Variants in KCNQ5 observed in about 807,000 individuals in gnomAD.
KCNQ5 encodes the protein potassium voltage-gated channel subfamily Q member 5, also known as potassium voltage-gated channel subfamily KQT member 5.
A neutral mutation model predicts 98.2 loss-of-function variants in KCNQ5; 30 were observed. The observed-to-expected ratio is 0.31, with a 90% CI of 0.23 to 0.41. KCNQ5 has a LOEUF of 0.41. Ranked by LOEUF, KCNQ5 falls within the 10% of genes least tolerant of loss-of-function variation. The pLI, the probability that KCNQ5 is intolerant of heterozygous loss-of-function variation, is 1.00. For missense variants in KCNQ5, 835 were observed against 1,182.5 expected, an observed-to-expected ratio of 0.71 and a Z score of 4.31; for synonymous variants, 458 against 449.4, an observed-to-expected ratio of 1.02 and a Z score of -0.24.
intron 2 of KCNQ5, among the ~76,000 whole-genome samples, chr6:73,036,258 C>T (rs935402095): frequency 9.9e-5 from 15 of 151,396 alleles, no homozygotes; most frequent in Non-Finnish European, 1.9e-4. Context: ...TGGTGGTGGG[C>T]GCCTGTAGTC....
intron 1 of KCNQ5, among the ~76,000 whole-genome samples, chr6:72,834,696 A>G (rs1467780362): frequency 6.6e-6 from 1 of 152,134 alleles, no homozygotes; most frequent in African/African-American, 2.4e-5. Context: ...TTTACGTGGA[A>G]ATAGAATTCT....
intron 1 of KCNQ5, among the ~76,000 whole-genome samples, chr6:72,875,544 T>C (rs534668343): frequency 9.3e-4 from 142 of 152,328 alleles, no homozygotes; most frequent in Non-Finnish European, 1.5e-3. Context: ...TGTTAATCAG[T>C]CATAATGTGT....
At chr6:72,828,320 G>C (rs996789059) in intron 1 of KCNQ5, among the ~76,000 whole-genome samples, 3 of 152,108 alleles carry the variant, frequency 2.0e-5, no homozygotes, top group Non-Finnish European at 4.4e-5. Context: ...GCATTGGGTA[G>C]AATTGTCATT....
intron 5 of KCNQ5, 28 bp downstream of exon 5, chr6:73,077,915 A>G (rs1232293565): frequency 6.4e-7 from 1 of 1,554,510 alleles, no homozygotes; most frequent in East Asian, 2.3e-5. Flanking sequence ...TTTTTTATTT[A>G]TTGGATGTTG....
At chr6:72,832,565 A>G (rs1352216692) in intron 1 of KCNQ5, among the ~76,000 whole-genome samples, 1 of 152,168 alleles carries the variant, frequency 6.6e-6, no homozygotes, top group African/African-American at 2.4e-5. Context: ...GTGTTTGCCA[A>G]AAGAAAATCC....
chr6:73,023,067 A>G (rs891314578), intron 2 of KCNQ5, among the ~76,000 whole-genome samples: 4 of 152,232 alleles, frequency 2.6e-5, no homozygotes, highest in Admixed American at 2.6e-4. Context: ...GAGAAGGAAT[A>G]GTGGAGGGCA....
rs747611585 is a variant in KCNQ5, at chr6:73,103,943, A to T, written c.919-1314A>T. On this transcript the variant is annotated intron_variant, in intron 5 of 13. Transcript: ENST00000370398. The stretch of plus-strand genomic sequence containing the variant: ...CCCTGATATCATCATTACATATCGC[A>T]TGCCAGTATCAAAATATCCCACATA... Among the ~76,000 whole-genome samples the T allele has an allele frequency of 3.0e-4, 45 of 152,264 alleles. No individual in the cohort carries two copies. In the East Asian group the frequency reaches 8.5e-3, roughly 29 times the overall value.
At chr6:72,712,694 A>G (rs1270086532) in intron 1 of KCNQ5, among the ~76,000 whole-genome samples, 1 of 152,168 alleles carries the variant, frequency 6.6e-6, no homozygotes, top group Non-Finnish European at 1.5e-5. Context: ...TGACAAGCTC[A>G]CTTGGAGTAT....
chr6:72,706,406 G>T (rs991288509), intron 1 of KCNQ5, among the ~76,000 whole-genome samples: 5 of 151,854 alleles, frequency 3.3e-5, no homozygotes, highest in Non-Finnish European at 7.4e-5. Flanking sequence ...TGGCCCTGTG[G>T]TGGGTACTAA....
intron 2 of KCNQ5, among the ~76,000 whole-genome samples, chr6:73,032,759 G>A (rs909661551): frequency 3.9e-5 from 6 of 152,076 alleles, no homozygotes; most frequent in Admixed American, 6.5e-5. Context: ...AATCATTTGG[G>A]CATGCAGACA....
chr6:72,872,558 C>CGATA (rs1491207584), intron 1 of KCNQ5, among the ~76,000 whole-genome samples: 4 of 152,118 alleles, frequency 2.6e-5, no homozygotes, highest in Non-Finnish European at 4.4e-5. Flanking sequence ...CTCTCAAAAG[C>CGATA]TCTGTTAGGC....
At chr6:73,182,349 T>C (rs1271035541) in intron 11 of KCNQ5, among the ~76,000 whole-genome samples, 1 of 152,224 alleles carries the variant, frequency 6.6e-6, no homozygotes, top group Non-Finnish European at 1.5e-5. Context: ...TGGCCCTTTA[T>C]AGAAGAAGCT....
intron 1 of KCNQ5, among the ~76,000 whole-genome samples, chr6:72,994,261 C>G (rs1362075289): frequency 1.6e-4 from 10 of 61,968 alleles, no homozygotes. Flanking sequence ...CCCCCAGCCT[C>G]GTTGCCGCCT....
chr6:73,096,014 C>A (rs1160239115), intron 5 of KCNQ5, among the ~76,000 whole-genome samples: 1 of 152,104 alleles, frequency 6.6e-6, no homozygotes, highest in Non-Finnish European at 1.5e-5. Context: ...CACAACAGGT[C>A]GTCTGCAAGC....
chr6:72,667,017 T>A (rs1342864611), intron 1 of KCNQ5, among the ~76,000 whole-genome samples: 1 of 152,232 alleles, frequency 6.6e-6, no homozygotes, highest in Non-Finnish European at 1.5e-5. Flanking sequence ...AGATGTGTGC[T>A]ACTATAACTT....
At chr6:72,878,475 T>C (rs1398428272) in intron 1 of KCNQ5, among the ~76,000 whole-genome samples, 3 of 152,174 alleles carry the variant, frequency 2.0e-5, no homozygotes, top group Non-Finnish European at 4.4e-5. Context: ...GCATTCTCAC[T>C]TCCTGGTAAC....
intron 2 of KCNQ5, among the ~76,000 whole-genome samples, chr6:73,023,767 G>T (rs1238883528): frequency 6.6e-6 from 1 of 152,126 alleles, no homozygotes; most frequent in Non-Finnish European, 1.5e-5. Flanking sequence ...GCAAAATTGG[G>T]GATGGCGTCT....
At chr6:72,741,516 T>G (rs1301275488) in intron 1 of KCNQ5, among the ~76,000 whole-genome samples, 1 of 152,136 alleles carries the variant, frequency 6.6e-6, no homozygotes, top group Non-Finnish European at 1.5e-5. Context: ...TCTGATGTAG[T>G]AGGTTAGAGA....
chr6:73,191,652 G>T (rs1765593798), intron 12 of KCNQ5, among the ~76,000 whole-genome samples: 1 of 152,042 alleles, frequency 6.6e-6, no homozygotes, highest in Admixed American at 6.6e-5. Context: ...TTCATCAATT[G>T]TTATAGAAAT....
Sources: allele counts gnomAD v4.1 joint callset (sites outside exome capture counted in the v4.1 genomes callset), GRCh38; gene constraint gnomAD v4.1.1; transcripts MANE v1.5; gene names NCBI Gene and HGNC (gene_info 2026-07-23, HGNC 2026-07-21).